The following FBXO46 variants were observed in gnomAD, a reference collection of about 807,000 sequenced individuals.
FBXO46 encodes F-box only protein 46.
FBXO46 carries 13 observed loss-of-function variants against 30.7 expected under a neutral mutation model. The ratio of observed to expected loss-of-function variants is 0.42; its 90% CI spans 0.28 to 0.67. The LOEUF (loss-of-function observed/expected upper bound fraction) is 0.67, where lower values mean the gene tolerates loss of function less well. Ranked by LOEUF, FBXO46 falls within the 30% of genes least tolerant of loss-of-function variation. The pLI, the probability that FBXO46 is intolerant of heterozygous loss-of-function variation, is 0.21. For missense variants in FBXO46, 754 were observed against 871.5 expected (o/e 0.87, Z 1.70); for synonymous variants, 467 against 385.8 (o/e 1.21, Z -2.47).
chr19:45,721,904 G>A (rs954184754), intron 1 of FBXO46, among the ~76,000 whole-genome samples: 6 of 151,416 alleles, frequency 4.0e-5, no homozygotes, highest in African/African-American at 1.5e-4. Flanking sequence ...GCAGTAACAC[G>A]ATCTCGTCTC....
intron 1 of FBXO46, among the ~76,000 whole-genome samples, chr19:45,724,111 G>A (rs1292074267): frequency 6.6e-6 from 1 of 152,080 alleles, no homozygotes; most frequent in Non-Finnish European, 1.5e-5. Flanking sequence ...AAGATTTCAA[G>A]AAAAGGCAAA....
intron 1 of FBXO46, among the ~76,000 whole-genome samples, chr19:45,718,820 C>G (rs1968133949): frequency 6.6e-6 from 1 of 151,846 alleles, no homozygotes; most frequent in South Asian, 2.1e-4. Context: ...TCAGCAACTA[C>G]TCCATGAAAA....
chr19:45,719,079 T>C (rs756706539), intron 1 of FBXO46, among the ~76,000 whole-genome samples: 1 of 151,430 alleles, frequency 6.6e-6, no homozygotes, highest in Non-Finnish European at 1.5e-5. Flanking sequence ...TGAAACCCCA[T>C]CACTACAAAA....
In FBXO46 at chr19:45,713,892, T is replaced by C. The variant is rs1296212888; in HGVS notation, c.-78-319A>G. Reference sequence around the variant, plus strand: ...CTGAGGCACGAGAATCGCTTGAACCTGGGAGGTGGAGGTTGCAGCGAGACC... The same window carrying C: ...CTGAGGCACGAGAATCGCTTGAACCCGGGAGGTGGAGGTTGCAGCGAGACC... On this transcript the variant is annotated intron_variant, in intron 1 of 1. Coordinates refer to ENST00000317683, the MANE Select transcript of FBXO46 (RefSeq NM_001080469.2). This position sits in a 1 kb window ranked among gnomAD's most constrained non-coding sequence, Gnocchi z 4.7. Among the ~76,000 whole-genome samples the C allele has an allele frequency of 2.9e-5, 4 of 138,842 alleles. No individual in the cohort carries two copies. The highest frequency in any genetic ancestry group is 2.7e-5 in the African/African-American group (1 of 36,546). 91.1% of individuals were successfully genotyped at this position (138,842 alleles called of 152,430 possible).
At chr19:45,732,532 CAAAA>C (rs36071960), upstream of FBXO46, among the ~76,000 whole-genome samples, 1 of 65,756 alleles carries the variant, frequency 1.5e-5, no homozygotes, top group African/African-American at 6.5e-5. Flanking sequence ...TCGTCTCTAC[CAAAA>C]AAAAAAAAAA....
At chr19:45,720,215 C>T (rs993294498) in intron 1 of FBXO46, among the ~76,000 whole-genome samples, 1 of 152,124 alleles carries the variant, frequency 6.6e-6, no homozygotes, top group Non-Finnish European at 1.5e-5. Context: ...TCACTGCAAC[C>T]TCTGCCTCCC....
chr19:45,732,084 T>C (rs952726639), upstream of FBXO46, among the ~76,000 whole-genome samples: 1 of 147,998 alleles, frequency 6.8e-6, no homozygotes, highest in East Asian at 2.0e-4. Context: ...GCCACTGCAC[T>C]CCAGCCTGGG....
chr19:45,720,934 G>A (rs1046061257), intron 1 of FBXO46, among the ~76,000 whole-genome samples: 4 of 151,276 alleles, frequency 2.6e-5, no homozygotes, highest in African/African-American at 9.7e-5. Context: ...CCCAGGAGGC[G>A]TGGCTGCAAT....
At chr19:45,730,915 C>G (rs933991335), upstream of FBXO46, 2 of 152,384 alleles carry the variant, frequency 1.3e-5, no homozygotes, top group African/African-American at 4.8e-5. Context: ...CCAGCCTCCC[C>G]TTCCGGGTTC....
In FBXO46 at chr19:45,712,149, G is replaced by T; in HGVS notation, c.1347C>A (p.Tyr449Ter). ...GTADTSLCRL[Y>*]RHVSHDFLEI... ...CTAGGAAGTCGTGCGACACGTGCCG[G>T]TACAAGCGGCACAGGGAGGTGTCCG... is the stretch of plus-strand genomic sequence containing the variant. Residue 449 changes from tyrosine to a stop codon, truncating the protein, a stop_gained, in exon 2 of 2, where the codon TAC becomes TAA. Transcript: ENST00000317683. LOFTEE classifies it high-confidence loss of function. The surrounding 1 kb of genome is among the most constrained non-coding windows in gnomAD (Gnocchi z 8.8). The T allele has an allele frequency of 6.3e-7, 1 of 1,594,356 alleles. No homozygotes were observed. The highest frequency in any genetic ancestry group is 8.5e-7 in the Non-Finnish European group (1 of 1,171,148).
intron 1 of FBXO46, among the ~76,000 whole-genome samples, chr19:45,717,787 G>C (rs1393508657): frequency 7.4e-6 from 1 of 136,032 alleles, no homozygotes; most frequent in African/African-American, 2.7e-5. Context: ...GTGGGGGCGG[G>C]GGGCGGGCTG....
upstream of FBXO46, among the ~76,000 whole-genome samples, chr19:45,731,176 G>A (rs1968305915): frequency 6.6e-6 from 1 of 152,234 alleles, no homozygotes; most frequent in Non-Finnish European, 1.5e-5. Context: ...CCCTTGGGAA[G>A]GGAATTGAGA....
chr19:45,728,012 C>A (rs1968261997), intron 1 of FBXO46, among the ~76,000 whole-genome samples: 1 of 152,200 alleles, frequency 6.6e-6, no homozygotes, highest in Non-Finnish European at 1.5e-5. Context: ...TCTTGGCTCA[C>A]TGCAACCTCC....
intron 1 of FBXO46, among the ~76,000 whole-genome samples, chr19:45,719,457 C>A (rs1968142857): frequency 3.3e-5 from 5 of 152,150 alleles, no homozygotes; most frequent in Admixed American, 3.3e-4. Flanking sequence ...CAAAAAACGA[C>A]CATCTCTACA....
Position 45,713,558 on chromosome 19 carries a change from A to G in FBXO46, c.-63T>C. ...ATCTCAGGACCTAGGTGGTGGTGGG[A>G]GGCTCCACATGCCACCTGGAGACAC... On this transcript the variant is annotated 5_prime_UTR_variant, in exon 2 of 2. Coordinates refer to ENST00000317683, the MANE Select transcript of FBXO46 (RefSeq NM_001080469.2). The surrounding 1 kb of genome is among the most constrained non-coding windows in gnomAD (Gnocchi z 4.7). The G allele has an allele frequency of 7.3e-7, 1 of 1,366,722 alleles. No individual in the cohort carries two copies. Among genetic ancestry groups the G allele is most frequent in the Non-Finnish European group, 9.9e-7 (1 of 1,009,390 alleles). 84.7% of individuals were successfully genotyped at this position (1,366,722 alleles called of 1,614,324 possible).
At chr19:45,717,707 G>T (rs941023821) in intron 1 of FBXO46, among the ~76,000 whole-genome samples, 1 of 151,366 alleles carries the variant, frequency 6.6e-6, no homozygotes, top group Non-Finnish European at 1.5e-5. Context: ...CAGGCAGCCC[G>T]GGGATTAAGA....
At chr19:45,715,750 G>A (rs1441932889) in intron 1 of FBXO46, 1 of 125,310 alleles carries the variant, frequency 8.0e-6, no homozygotes, top group East Asian at 2.5e-4. Flanking sequence ...AGGTTGCAGT[G>A]AACTGAGATC....
intron 1 of FBXO46, among the ~76,000 whole-genome samples, chr19:45,730,530 T>G (rs1435089163): frequency 6.6e-6 from 1 of 151,904 alleles, no homozygotes; most frequent in East Asian, 1.9e-4. Flanking sequence ...CGCCGCAGGT[T>G]AAGCCCCCAT....
chr19:45,717,205 A>T (rs1160863818), intron 1 of FBXO46: 1 of 146,120 alleles, frequency 6.8e-6, no homozygotes, highest in Non-Finnish European at 1.5e-5. Context: ...CCCCCAAAGA[A>T]ATCTTCCAAA....
Sources: allele counts gnomAD v4.1 joint callset (sites outside exome capture counted in the v4.1 genomes callset), GRCh38; gene constraint gnomAD v4.1.1; non-coding constraint Gnocchi (gnomAD v3.1); transcripts MANE v1.5; gene names NCBI Gene and HGNC (gene_info 2026-07-23, HGNC 2026-07-21).